The following OR2L13 variants were observed in gnomAD, a reference collection of about 807,000 sequenced individuals.
OR2L13 encodes olfactory receptor 2L13.
Under a neutral mutation model 15.3 loss-of-function variants are expected in OR2L13, and 14 were observed. The ratio of observed to expected loss-of-function variants is 0.91; its 90% CI spans 0.60 to 1.43. The LOEUF (loss-of-function observed/expected upper bound fraction) is 1.43. Ranked by LOEUF, OR2L13 falls within the 40% of genes most tolerant of loss-of-function variation. The pLI is 0.00. For missense variants in OR2L13, 367 were observed against 387.9 expected (o/e 0.95, Z 0.45); for synonymous variants, 152 against 142.9 (o/e 1.06, Z -0.45).
chr1:248,076,838 T>C, the OR2L13 span, among the ~76,000 whole-genome samples: 1 of 152,212 alleles, frequency 6.6e-6, no homozygotes, highest in Non-Finnish European at 1.5e-5. Context: ...CTTTATTTCT[T>C]TCTCTTGCCT....
At chr1:247,983,209 GTT>G in the OR2L13 span, among the ~76,000 whole-genome samples, 1 of 152,298 alleles carries the variant, frequency 6.6e-6, no homozygotes, top group South Asian at 2.1e-4. Context: ...CACGTGAAGA[GTT>G]TGTTATTAGG....
chr1:248,076,092 T>G, the OR2L13 span, among the ~76,000 whole-genome samples: 105,306 of 152,148 alleles, frequency 0.69, 41,557 homozygotes, highest in South Asian at 0.9. Context: ...CAGCACCATT[T>G]TTAAATAGGG....
At chr1:248,101,066 A>T (rs968543667) in exon 3 of OR2L13, 2 of 152,188 alleles carry the variant, frequency 1.3e-5, no homozygotes, top group Non-Finnish European at 2.9e-5. Context: ...TGCTGATTTC[A>T]TAAAGATACT....
At chr1:248,050,226 G>C in the OR2L13 span, among the ~76,000 whole-genome samples, 1 of 151,276 alleles carries the variant, frequency 6.6e-6, no homozygotes, top group Non-Finnish European at 1.5e-5. Context: ...TGTGTATTCT[G>C]TCATTAATGC....
chr1:247,960,352 TG>T, the OR2L13 span, among the ~76,000 whole-genome samples: 1 of 152,156 alleles, frequency 6.6e-6, no homozygotes, highest in African/African-American at 2.4e-5. Flanking sequence ...CCACCCCTAC[TG>T]GGGGGTGCCT....
the OR2L13 span, among the ~76,000 whole-genome samples, chr1:248,005,459 A>G: frequency 6.6e-6 from 1 of 152,038 alleles, no homozygotes; most frequent in African/African-American, 2.4e-5. Context: ...TGTTTGTAGT[A>G]TAGTTTGAAG....
chr1:248,007,113 T>A, the OR2L13 span, among the ~76,000 whole-genome samples: 1 of 152,126 alleles, frequency 6.6e-6, no homozygotes, highest in East Asian at 1.9e-4. Flanking sequence ...TAGACTTAGC[T>A]CTATGATTTT....
the OR2L13 span, among the ~76,000 whole-genome samples, chr1:247,999,931 C>T: frequency 1.3e-5 from 2 of 151,994 alleles, no homozygotes; most frequent in African/African-American, 2.4e-5. Context: ...TTCAAAGATT[C>T]AGAACTTTAG....
At chr1:248,063,400 G>T in the OR2L13 span, 1 of 152,248 alleles carries the variant, frequency 6.6e-6, no homozygotes, top group Non-Finnish European at 1.5e-5. Flanking sequence ...TATTGTAGCA[G>T]TTAAAACATA....
intron 2 of OR2L13, 58 bp from the exon 3 acceptor site, chr1:248,099,300 T>G (rs1003868730): frequency 4.0e-6 from 4 of 990,746 alleles, no homozygotes; most frequent in Non-Finnish European, 6.1e-6. Flanking sequence ...TTTGTTTTTC[T>G]ATTGTGTTTT....
chr1:247,951,660 A>G, the OR2L13 span, among the ~76,000 whole-genome samples: 5 of 152,214 alleles, frequency 3.3e-5, no homozygotes, highest in South Asian at 6.2e-4. Context: ...TTTTGCTGCA[A>G]TGAGCAGTGT....
the OR2L13 span, among the ~76,000 whole-genome samples, chr1:247,997,549 G>A: frequency 6.6e-6 from 1 of 151,984 alleles, no homozygotes; most frequent in Non-Finnish European, 1.5e-5. Context: ...AAATCTTACT[G>A]CCAATATAAA....
At chr1:247,968,166 T>A in the OR2L13 span, among the ~76,000 whole-genome samples, 47 of 152,192 alleles carry the variant, frequency 3.1e-4, no homozygotes, top group African/African-American at 9.9e-4. Flanking sequence ...TAAATAATAA[T>A]AAACTTTATA....
rs573097288 is a variant in OR2L13 at position 248,100,257 on chromosome 1, G to A, written c.882G>A (p.Lys294=). Residue 294 remains lysine, a synonymous_variant, in exon 3 of 3, where the codon AAG becomes AAA. Transcript: ENST00000641714. ...CCATTATCTACAGCCTGAGGAATAAGGAAGTCCTGGGGGCTATGAGGAGAG... is the reference window on the plus strand; with the variant it reads ...CCATTATCTACAGCCTGAGGAATAAAGAAGTCCTGGGGGCTATGAGGAGAG... The A allele has an allele frequency of 1.9e-5, 30 of 1,613,356 alleles. 1 individual carries two copies. In the South Asian group the frequency reaches 2.7e-4, roughly 15 times the overall value.
chr1:248,042,589 G>T, the OR2L13 span, among the ~76,000 whole-genome samples: 3 of 151,330 alleles, frequency 2.0e-5, no homozygotes, highest in African/African-American at 7.3e-5. Context: ...TAAAATAAAA[G>T]ACAAGTGCTT....
the OR2L13 span, chr1:247,975,726 G>A: frequency 1.2e-4 from 61 of 530,286 alleles, no homozygotes; most frequent in East Asian, 4.9e-4. Flanking sequence ...CAGCAGTTAC[G>A]AAAAATAATA....
At chr1:247,962,895 T>G in the OR2L13 span, among the ~76,000 whole-genome samples, 42 of 152,196 alleles carry the variant, frequency 2.8e-4, no homozygotes, top group African/African-American at 1.0e-3. Flanking sequence ...AAATAATACA[T>G]GTATTTTCTT....
At chr1:247,988,043 A>G in the OR2L13 span, among the ~76,000 whole-genome samples, 1 of 152,116 alleles carries the variant, frequency 6.6e-6, no homozygotes, top group African/African-American at 2.4e-5. Flanking sequence ...TCAAGGAGAC[A>G]CAATTTTCAT....
chr1:247,972,795 A>G, the OR2L13 span, among the ~76,000 whole-genome samples: 2 of 152,338 alleles, frequency 1.3e-5, no homozygotes, highest in African/African-American at 2.4e-5. Context: ...CATCATCCTG[A>G]TTCCAAAACT....
Sources: allele counts gnomAD v4.1 joint callset (sites outside exome capture counted in the v4.1 genomes callset), GRCh38; gene constraint gnomAD v4.1.1; transcripts MANE v1.5; gene names NCBI Gene and HGNC (gene_info 2026-07-23, HGNC 2026-07-21).